ASIC2: variants seen among roughly 807,000 people sequenced by gnomAD.
ASIC2 encodes the protein acid-sensing ion channel 2.
In ASIC2, 25 loss-of-function variants were observed where a neutral mutation model predicts 57.3. The observed-to-expected ratio is 0.44, with a 90% CI of 0.32 to 0.61. ASIC2 has a LOEUF of 0.61. Ranked by LOEUF, ASIC2 falls within the 20% of genes least tolerant of loss-of-function variation. The probability of loss-of-function intolerance (pLI) is 0.06; values close to 1 mark genes in which losing one functional copy is unlikely to be tolerated. For missense variants in ASIC2, 641 were observed against 738.1 expected (o/e 0.87, Z 1.52); for synonymous variants, 319 against 307.5 (o/e 1.04, Z -0.39).
chr17:33,533,949 A>C (rs1288899733), intron 1 of ASIC2, among the ~76,000 whole-genome samples: 1 of 152,206 alleles, frequency 6.6e-6, no homozygotes, highest in Non-Finnish European at 1.5e-5. Flanking sequence ...GCTGTTCCCC[A>C]AAAATCATTC....
chr17:33,511,996 C>T (rs1597758175), intron 1 of ASIC2, among the ~76,000 whole-genome samples: 1 of 152,298 alleles, frequency 6.6e-6, no homozygotes, highest in East Asian at 1.9e-4. Context: ...CAGCCCTTGT[C>T]AGTGCAATAA....
chr17:33,403,699 C>T (rs1256510798), intron 1 of ASIC2, among the ~76,000 whole-genome samples: 1 of 152,208 alleles, frequency 6.6e-6, no homozygotes, highest in African/African-American at 2.4e-5. Context: ...AGAAACCAGC[C>T]TTCCTCATCA....
At chr17:33,828,248 G>A (rs986605560) in intron 1 of ASIC2, 6 of 152,054 alleles carry the variant, frequency 3.9e-5, no homozygotes, top group Admixed American at 2.6e-4. Flanking sequence ...TAAATCTGAG[G>A]GTATTTAGTC....
At chr17:33,462,942 G>C (rs895845155) in intron 1 of ASIC2, among the ~76,000 whole-genome samples, 12 of 152,162 alleles carry the variant, frequency 7.9e-5, no homozygotes, top group African/African-American at 2.9e-4. Flanking sequence ...TATGATTTGG[G>C]CCACCTGTCC....
intron 1 of ASIC2, chr17:33,530,292 C>T (rs1915011594): frequency 1.3e-5 from 2 of 152,212 alleles, no homozygotes; most frequent in African/African-American, 2.4e-5. Flanking sequence ...CTTTGTAGAC[C>T]TAATTAAACT....
chr17:33,378,526 G>A (rs1909361380), intron 1 of ASIC2, among the ~76,000 whole-genome samples: 1 of 152,192 alleles, frequency 6.6e-6, no homozygotes, highest in African/African-American at 2.4e-5. Flanking sequence ...ATTCTGGGTG[G>A]TTCATGCTCT....
Position 33,017,659 on chromosome 17 carries a change from C to G in ASIC2, c.1467G>C (p.Leu489Phe). The G allele has an allele frequency of 6.2e-7, 1 of 1,613,764 alleles. No homozygotes were observed. The change falls in exon 8 of 10, where the codon TTG (leucine) becomes TTC (phenylalanine). Residue 489 changes from leucine to phenylalanine, a missense_variant. Transcript: ENST00000225823. ...TTGTAAGGATACTAGCACCAATGAA[C>G]AATCCCATCTGACCACCAATATCAC... The part of the protein sequence containing the change: ...LLGDIGGQMG[L>F]FIGASILTIL...
intron 1 of ASIC2, among the ~76,000 whole-genome samples, chr17:33,755,326 T>C (rs1910563582): frequency 1.3e-5 from 2 of 152,256 alleles, no homozygotes; most frequent in Admixed American, 1.3e-4. Context: ...GTGAAACCCA[T>C]TTCCAATTTC....
intron 1 of ASIC2, among the ~76,000 whole-genome samples, chr17:34,058,132 C>T (rs1466087643): frequency 6.6e-6 from 1 of 152,142 alleles, no homozygotes; most frequent in Non-Finnish European, 1.5e-5. Flanking sequence ...TAAGTGCTAA[C>T]CTCTATATTT....
intron 1 of ASIC2, among the ~76,000 whole-genome samples, chr17:33,926,159 C>T (rs1205871647): frequency 1.3e-5 from 2 of 152,112 alleles, no homozygotes; most frequent in Non-Finnish European, 1.5e-5. Flanking sequence ...AGCAAAAATA[C>T]TGTTATTTAA....
At chr17:33,136,659 G>C (rs779228852) in intron 1 of ASIC2, among the ~76,000 whole-genome samples, 7 of 152,194 alleles carry the variant, frequency 4.6e-5, no homozygotes, top group Non-Finnish European at 8.8e-5. Flanking sequence ...GTCTGAAGAA[G>C]GGGCAAAATA....
intron 1 of ASIC2, among the ~76,000 whole-genome samples, chr17:33,681,932 A>G (rs1908013454): frequency 6.6e-6 from 1 of 151,948 alleles, no homozygotes; most frequent in Admixed American, 6.5e-5. Context: ...ATGATATTTG[A>G]CCTGTATTAA....
chr17:33,513,048 A>G (rs1362330249), intron 1 of ASIC2, among the ~76,000 whole-genome samples: 1 of 152,216 alleles, frequency 6.6e-6, no homozygotes, highest in East Asian at 1.9e-4. Flanking sequence ...TTTATTGATC[A>G]TTCTACAAAG....
rs545214778 is a variant in ASIC2, at chr17:33,870,427, C to A, written c.555+285551G>T. The stretch of plus-strand genomic sequence containing the variant: ...AACTAGAATTCCTCATCACAGCCCA[C>A]AACACTTTGCTTGACTTGGTCCATT... On this transcript the variant is annotated intron_variant, in intron 1 of 9. Transcript: ENST00000359872. 2.3e-3 allele frequency among the ~76,000 whole-genome samples: 353 copies of A among 151,516 alleles called. 4 individuals carry two copies. The highest frequency in any genetic ancestry group is 8.3e-3 in the African/African-American group (342 of 41,302).
intron 1 of ASIC2, among the ~76,000 whole-genome samples, chr17:33,902,471 G>A (rs1377211414): frequency 1.3e-5 from 2 of 152,216 alleles, no homozygotes; most frequent in Non-Finnish European, 2.9e-5. Context: ...CTGTTTTAAA[G>A]TAGATATCAA....
chr17:33,331,377 C>T (rs1907305650), intron 1 of ASIC2, among the ~76,000 whole-genome samples: 1 of 152,192 alleles, frequency 6.6e-6, no homozygotes, highest in Admixed American at 6.5e-5. Flanking sequence ...TAAGATGTTA[C>T]ATTTAAGGCT....
At chr17:34,082,464 C>T (rs1909922193) in intron 1 of ASIC2, among the ~76,000 whole-genome samples, 1 of 152,148 alleles carries the variant, frequency 6.6e-6, no homozygotes, top group African/African-American at 2.4e-5. Context: ...CATACAAAAG[C>T]ATTGTCCTTT....
chr17:33,937,284 T>C (rs891080070), intron 1 of ASIC2, among the ~76,000 whole-genome samples: 1 of 152,192 alleles, frequency 6.6e-6, no homozygotes, highest in African/African-American at 2.4e-5. Flanking sequence ...GTATTTTTGA[T>C]AGAGATGGGG....
intron 3 of ASIC2, among the ~76,000 whole-genome samples, chr17:33,063,527 ATCAGCTGTTAG>A (rs1232244106): frequency 1.3e-5 from 2 of 152,122 alleles, no homozygotes; most frequent in African/African-American, 2.4e-5. Flanking sequence ...CTGCTGAGAG[ATCAGCTGTTAG>A]TCTGATGGGC....
Sources: allele counts gnomAD v4.1 joint callset (sites outside exome capture counted in the v4.1 genomes callset), GRCh38; gene constraint gnomAD v4.1.1; transcripts MANE v1.5; gene names NCBI Gene and HGNC (gene_info 2026-07-23, HGNC 2026-07-21).